TRAF7: variants seen among roughly 807,000 people sequenced by gnomAD.
TRAF7 encodes the protein TNF receptor associated factor 7.
In TRAF7, 45 loss-of-function variants were observed where a neutral mutation model predicts 89.3. That is an observed-to-expected ratio of 0.50 (90% CI 0.40 to 0.65). TRAF7 has a LOEUF of 0.65. Ranked by LOEUF, TRAF7 falls within the 30% of genes least tolerant of loss-of-function variation. The pLI, the probability that TRAF7 is intolerant of heterozygous loss-of-function variation, is 0.00. For synonymous variants in TRAF7, 406 were observed against 369.2 expected (o/e 1.10, Z -1.14); for missense variants, 677 against 918.1 (o/e 0.74, Z 3.39).
chr16:2,168,367 A>AG lies in TRAF7; in HGVS notation c.231+204dup. ...CTCCTGTGGCTGGACTGTGGGTGGC[A>AG]GGGGGCAGCCAGTGAGGGCAGCTGG... On this transcript the variant is annotated intron_variant, in intron 4 of 20. Transcript: ENST00000326181. The surrounding 1 kb of genome is among the most constrained non-coding windows in gnomAD (Gnocchi z 4.1). 1.8e-6 allele frequency: 1 copy of AG among 549,668 alleles called. No individual in the cohort carries two copies. The allele number at this position is 549,668 out of a possible 1,614,324, so 34.0% of individuals were successfully genotyped here.
chr16:2,164,178 G>GCGCGCGCGCA (rs1555465748), intron 2 of TRAF7, among the ~76,000 whole-genome samples, 177 bp downstream of exon 2: 7 of 131,214 alleles, frequency 5.3e-5, no homozygotes, highest in African/African-American at 2.2e-4. Flanking sequence ...GCGCGCGCGC[G>GCGCGCGCGCA]CGCACGCGTG....
chr16:2,173,859 T>TGGGGGGGCGCCCCCCCCC, intron 12 of TRAF7, 23 bp downstream of exon 12: 1 of 1,246,258 alleles, frequency 8.0e-7, no homozygotes, highest in Non-Finnish European at 1.1e-6. Context: ...CCGCCGTGGC[T>TGGGGGGGCGCCCCCCCCC]CCCGCCCACC....
chr16:2,169,501 CTGTT>C (rs971548534), intron 4 of TRAF7, among the ~76,000 whole-genome samples: 10 of 152,048 alleles, frequency 6.6e-5, no homozygotes, highest in African/African-American at 2.2e-4. Context: ...GGTACCTTCT[CTGTT>C]TGCTGATAGG....
At chr16:2,174,466 C>T (rs71394730) in intron 14 of TRAF7, 133 bp downstream of exon 14, 8,283 of 767,484 alleles carry the variant, frequency 0.011, 76 homozygotes, top group Middle Eastern at 0.019. Flanking sequence ...ACCCTCCACC[C>T]GGAGCAGCAC....
intron 11 of TRAF7, 26 bp downstream of exon 11, chr16:2,173,580 G>A: frequency 6.2e-7 from 1 of 1,609,758 alleles, no homozygotes; most frequent in African/African-American, 1.3e-5. Context: ...TGGAGGGGCT[G>A]GGTTGTGAGA....
chr16:2,175,439 A>T (rs2141294190), intron 16 of TRAF7, 22 bp downstream of exon 16: 1 of 1,612,736 alleles, frequency 6.2e-7, no homozygotes, highest in Non-Finnish European at 8.5e-7. Flanking sequence ...GGCTGTGCCT[A>T]CGTGTGTGTC....
At chr16:2,165,295 T>C (rs2093080101) in intron 2 of TRAF7, among the ~76,000 whole-genome samples, 1 of 136,922 alleles carries the variant, frequency 7.3e-6, no homozygotes, top group Admixed American at 7.1e-5. Context: ...TGGCGCGGCC[T>C]GGTCGCATGG....
rs1330636693 is a variant in TRAF7 at position 2,177,907 on chromosome 16, G to GC, written c.*1335dup. 3.0e-6 allele frequency: 1 copy of GC among 331,864 alleles called. No homozygotes were observed. The highest frequency in any genetic ancestry group is 5.7e-6 in the Non-Finnish European group (1 of 176,462). The allele number at this position is 331,864 out of a possible 1,614,324, so 20.6% of individuals were successfully genotyped here. ...CTTCCACCTGTGCTAGCAGCCTGGG[G>GC]CCTCCACTCTGGCCGGAGGAAGGAC... On this transcript the variant is annotated 3_prime_UTR_variant, in exon 21 of 21. Coordinates refer to ENST00000326181, the MANE Select transcript of TRAF7 (RefSeq NM_032271.3).
chr16:2,173,857 G>GCGGGGGGGCGGCCCCCC, intron 12 of TRAF7, 21 bp downstream of exon 12: 1 of 1,607,510 alleles, frequency 6.2e-7, no homozygotes, highest in Non-Finnish European at 8.5e-7. Context: ...ACCCGCCGTG[G>GCGGGGGGGCGGCCCCCC]CTCCCGCCCA....
chr16:2,171,653 T>G (rs2093111616), intron 7 of TRAF7, 48 bp downstream of exon 7: 5 of 1,612,630 alleles, frequency 3.1e-6, no homozygotes, highest in Non-Finnish European at 3.4e-6. Flanking sequence ...TGCCCATGGC[T>G]GCCGAGCAGA....
intron 2 of TRAF7, among the ~76,000 whole-genome samples, chr16:2,164,455 T>G (rs1319875749): frequency 4.0e-3 from 304 of 76,644 alleles, no homozygotes; most frequent in Middle Eastern, 0.012. Context: ...TTAAGCGTGT[T>G]AGTGCTGCGT....
rs2093105216 is a variant in TRAF7, at chr16:2,170,638, T to C, written c.256T>C (p.Ser86Pro). The change falls in exon 5 of 21, where the codon TCC becomes CCC. Residue 86 changes from serine to proline, a missense_variant. Physicochemically the swap from Ser to Pro is moderately conservative, Grantham distance 74 (BLOSUM62 -1). Coordinates refer to ENST00000326181, the MANE Select transcript of TRAF7 (RefSeq NM_032271.3). ...GCCCCCCATCAGCACTCCCCGCCGC[T>C]CCGACTCCGCCATCTCTGTCCGCTC... Reference protein sequence around the residue: ...SMPPISTPRRSDSAISVRSLH... With the variant: ...SMPPISTPRRPDSAISVRSLH... 1.2e-6 allele frequency: 2 copies of C among 1,609,886 alleles called. No individual in the cohort carries two copies. The highest frequency in any genetic ancestry group is 2.2e-5 in the South Asian group (2 of 90,284).
In TRAF7 at chr16:2,172,233, A is replaced by T; in HGVS notation, c.518A>T (p.Asn173Ile). 6.2e-7 allele frequency: 1 copy of T among 1,613,012 alleles called. No individual in the cohort carries two copies. The highest frequency in any genetic ancestry group is 8.5e-7 in the Non-Finnish European group (1 of 1,179,962). ...VDNVKLTVVV[N>I]NIAVAEQIGE... is the part of the protein sequence containing the mutation. ...AACGTCAAACTGACCGTGGTGGTGAACAACATCGCGGTGGCCGAGCAGATC... is the reference window on the plus strand; with the variant it reads ...AACGTCAAACTGACCGTGGTGGTGATCAACATCGCGGTGGCCGAGCAGATC... The change falls in exon 8 of 21, where the codon AAC becomes ATC. Residue 173 changes from asparagine to isoleucine, a missense_variant. Transcript: ENST00000326181.
At position 2,173,201 on chromosome 16, in the gene TRAF7, C is replaced by A; in HGVS notation, c.814C>A (p.Gln272Lys). The A allele has an allele frequency of 6.2e-7, 1 of 1,610,854 alleles. No homozygotes were observed. The highest frequency in any genetic ancestry group is 2.2e-5 in the East Asian group (1 of 44,788). Residue 272 changes from glutamine to lysine, a missense_variant, in exon 10 of 21, where the codon CAG becomes AAG. Gln to Lys is a moderately conservative substitution (Grantham distance 53, BLOSUM62 1). Transcript: ENST00000326181. ...SKYGCTFIGN[Q>K]DTYETHLETC... Reference sequence around the variant, plus strand: ...CCGCAGGTGCACGTTCATCGGGAACCAGGACACTTACGAGACCCACCTGGA... The same window carrying A: ...CCGCAGGTGCACGTTCATCGGGAACAAGGACACTTACGAGACCCACCTGGA...
rs763529676 is a variant in TRAF7 at position 2,170,695 on chromosome 16, T to C, written c.313T>C (p.Ser105Pro). The C allele has an allele frequency of 1.9e-6, 3 of 1,607,430 alleles. No homozygotes were observed. Among genetic ancestry groups the C allele is most frequent in the South Asian group, 1.1e-5 (1 of 89,754 alleles). The part of the protein sequence containing the change: ...LHSESSMSLR[S>P]TFSLPEEEEE... ...CTCAGAGTCCAGCATGTCTCTGCGCTCCACATTCTCACTGCCCGAGGAGGA... is the reference window on the plus strand; with the variant it reads ...CTCAGAGTCCAGCATGTCTCTGCGCCCCACATTCTCACTGCCCGAGGAGGA... The change falls in exon 5 of 21, where the codon TCC becomes CCC. Residue 105 changes from serine to proline, a missense_variant. By Grantham distance (74) the Ser-to-Pro change is moderately conservative (BLOSUM62 -1). Around this residue, in one of 6 missense-constraint regions of TRAF7, gnomAD observed 240 missense variants for 191.9 expected, o/e 1.25. Coordinates refer to ENST00000326181, the MANE Select transcript of TRAF7 (RefSeq NM_032271.3).
chr16:2,164,614 C>T (rs1232625559), intron 2 of TRAF7, among the ~76,000 whole-genome samples: 30 of 136,238 alleles, frequency 2.2e-4, no homozygotes, highest in African/African-American at 7.4e-4. Context: ...CATGGTTAAG[C>T]GTGTTAGTGC....
chr16:2,168,380 T>G lies in TRAF7; in HGVS notation c.231+212T>G. 1.9e-6 allele frequency: 1 copy of G among 531,270 alleles called. No homozygotes were observed. The highest frequency in any genetic ancestry group is 2.2e-5 in the South Asian group (1 of 45,052). 32.9% of individuals were successfully genotyped at this position (531,270 alleles called of 1,614,324 possible). On this transcript the variant is annotated intron_variant, in intron 4 of 20. Coordinates refer to ENST00000326181, the MANE Select transcript of TRAF7 (RefSeq NM_032271.3). This position sits in a 1 kb window ranked among gnomAD's most constrained non-coding sequence, Gnocchi z 4.1. ...ACTGTGGGTGGCAGGGGGCAGCCAGTGAGGGCAGCTGGGTCAGAGGGCCTG... is the reference window on the plus strand; with the variant it reads ...ACTGTGGGTGGCAGGGGGCAGCCAGGGAGGGCAGCTGGGTCAGAGGGCCTG...
chr16:2,176,120 G>A lies in TRAF7; in HGVS notation c.1818G>A (p.Ala606=), dbSNP rs765354006. 7 of 1,610,870 alleles carry A rather than the reference G, an allele frequency of 4.3e-6. No homozygotes were observed. The highest frequency in any genetic ancestry group is 4.5e-5 in the East Asian group (2 of 44,868). ...ACGTGGGCACCGTGTATGCCCTGGC[G>A]GTCATCTCGACGCCAGACCAGACCA... ...TGHVGTVYAL[A]VISTPDQTKV... is the part of the protein sequence containing the mutation. The change falls in exon 19 of 21, where the codon GCG becomes GCA. Residue 606 remains alanine (A), a synonymous_variant. Coordinates refer to ENST00000326181, the MANE Select transcript of TRAF7 (RefSeq NM_032271.3).
chr16:2,169,733 G>A (rs2093100737), intron 4 of TRAF7, among the ~76,000 whole-genome samples: 1 of 152,244 alleles, frequency 6.6e-6, no homozygotes. Flanking sequence ...TGTTCCCCAT[G>A]TGCTGCTTCC....
Sources: gnomAD v4.1 joint callset for allele counts (sites outside exome capture counted in the v4.1 genomes callset) on GRCh38, gnomAD v4.1.1 for gene constraint, gnomAD v4.1.1 regional missense constraint, Gnocchi (gnomAD v3.1) non-coding constraint, MANE v1.5 for transcripts, NCBI Gene and HGNC (gene_info 2026-07-23, HGNC 2026-07-21) for gene names.